Variants in TBC1D19 observed in about 807,000 individuals in gnomAD.
The protein encoded by TBC1D19 is TBC1 domain family, member 19.
TBC1D19 carries 60 observed loss-of-function variants against 89.0 expected under a neutral mutation model. That is an observed-to-expected ratio of 0.67 (90% CI 0.55 to 0.84). TBC1D19 has a LOEUF of 0.84. Ranked by LOEUF, TBC1D19 falls within the 40% of genes least tolerant of loss-of-function variation. The pLI is 0.00. For synonymous variants in TBC1D19, 189 were observed against 199.7 expected (o/e 0.95, Z 0.45); for missense variants, 500 against 610.8 (o/e 0.82, Z 1.91).
intron 4 of TBC1D19, among the ~76,000 whole-genome samples, chr4:26,629,880 A>C (rs1742693552): frequency 6.6e-6 from 1 of 151,838 alleles, no homozygotes; most frequent in African/African-American, 2.4e-5. Context: ...ACACATATAC[A>C]TGCATAGAAA....
At chr4:26,652,821 C>G (rs1426295607) in intron 7 of TBC1D19, among the ~76,000 whole-genome samples, 1 of 152,138 alleles carries the variant, frequency 6.6e-6, no homozygotes, top group African/African-American at 2.4e-5. Context: ...AAAACCAACT[C>G]CTGGATTCAT....
At chr4:26,799,966 T>C in the TBC1D19 span, among the ~76,000 whole-genome samples, 1 of 152,112 alleles carries the variant, frequency 6.6e-6, no homozygotes, top group African/African-American at 2.4e-5. Context: ...AAACTGTGTA[T>C]AGATTTAATT....
chr4:26,747,184 A>G (rs1718697570), intron 18 of TBC1D19, among the ~76,000 whole-genome samples: 1 of 152,130 alleles, frequency 6.6e-6, no homozygotes, highest in East Asian at 1.9e-4. Flanking sequence ...TTTATTTCTA[A>G]AAAGCTATGC....
At chr4:26,652,256 T>C (rs1744445478) in intron 7 of TBC1D19, among the ~76,000 whole-genome samples, 1 of 152,194 alleles carries the variant, frequency 6.6e-6, no homozygotes, top group African/African-American at 2.4e-5. Context: ...TTCCCTCTTT[T>C]TCTAATGATT....
chr4:26,685,546 GA>G (rs1481269279), intron 12 of TBC1D19, among the ~76,000 whole-genome samples: 1 of 152,150 alleles, frequency 6.6e-6, no homozygotes, highest in African/African-American at 2.4e-5. Context: ...TTGAGATAAA[GA>G]AAGAAATTTG....
At chr4:26,593,558 C>G (rs1260037911) in intron 1 of TBC1D19, among the ~76,000 whole-genome samples, 4 of 152,150 alleles carry the variant, frequency 2.6e-5, no homozygotes, top group African/African-American at 9.7e-5. Flanking sequence ...AGGCAACCTA[C>G]AGAATGGGAG....
intron 1 of TBC1D19, among the ~76,000 whole-genome samples, chr4:26,597,017 A>G (rs1740265489): frequency 6.6e-6 from 1 of 152,142 alleles, no homozygotes. Flanking sequence ...GTTCCGTGTG[A>G]CCTCATAAAG....
chr4:26,600,059 A>T (rs1740496203), intron 1 of TBC1D19, among the ~76,000 whole-genome samples: 2 of 149,774 alleles, frequency 1.3e-5, no homozygotes, highest in Admixed American at 1.3e-4. Flanking sequence ...CATTATTTGT[A>T]TTTCAAATGG....
chr4:26,698,451 A>G (rs1039525373), intron 13 of TBC1D19, among the ~76,000 whole-genome samples: 1 of 152,224 alleles, frequency 6.6e-6, no homozygotes, highest in Non-Finnish European at 1.5e-5. Flanking sequence ...GGTAATTTAT[A>G]GATTCAGTGC....
At chr4:26,590,773 T>C (rs1222231504) in intron 1 of TBC1D19, among the ~76,000 whole-genome samples, 2 of 150,266 alleles carry the variant, frequency 1.3e-5, no homozygotes, top group Non-Finnish European at 3.0e-5. Context: ...TACATTAAGG[T>C]TCACTCTTTG....
the TBC1D19 span, among the ~76,000 whole-genome samples, chr4:26,793,193 G>T: frequency 6.6e-6 from 1 of 152,138 alleles, no homozygotes; most frequent in Non-Finnish European, 1.5e-5. Flanking sequence ...GAAAGCCAGA[G>T]AGGTACGACC....
intron 13 of TBC1D19, among the ~76,000 whole-genome samples, chr4:26,696,120 T>C (rs1249310792): frequency 1.3e-5 from 2 of 152,170 alleles, no homozygotes; most frequent in East Asian, 1.9e-4. Flanking sequence ...ACCCATCTCA[T>C]GTGCAGAGGC....
intron 4 of TBC1D19, among the ~76,000 whole-genome samples, chr4:26,627,288 A>G (rs1263184512): frequency 6.6e-6 from 1 of 152,098 alleles, no homozygotes; most frequent in Non-Finnish European, 1.5e-5. Context: ...CCAGTCTATC[A>G]TTGTTGGACA....
chr4:26,651,390 A>C (rs2062470277), intron 7 of TBC1D19, among the ~76,000 whole-genome samples: 1 of 151,954 alleles, frequency 6.6e-6, no homozygotes, highest in Non-Finnish European at 1.5e-5. Flanking sequence ...CTTTTATTTC[A>C]TTGAGCAGTG....
At chr4:26,816,814 G>GTTCT in the TBC1D19 span, among the ~76,000 whole-genome samples, 1 of 152,114 alleles carries the variant, frequency 6.6e-6, no homozygotes, top group African/African-American at 2.4e-5. Context: ...ATGAGGAACT[G>GTTCT]TTCCAGATTA....
At chr4:26,762,988 ATG>A in the TBC1D19 span, among the ~76,000 whole-genome samples, 2 of 152,198 alleles carry the variant, frequency 1.3e-5, no homozygotes. Context: ...CTGAGCTCCT[ATG>A]TGGGTCATAG....
chr4:26,612,617 G>A (rs937549722), intron 1 of TBC1D19, among the ~76,000 whole-genome samples: 1 of 152,046 alleles, frequency 6.6e-6, no homozygotes. Flanking sequence ...AAAAATTACA[G>A]TGTGAAAAAC....
rs77670247 is a variant in TBC1D19, at chr4:26,683,628, A to G, written c.817-47A>G. On this transcript the variant is annotated intron_variant, in intron 11 of 20. Coordinates refer to ENST00000264866, the MANE Select transcript of TBC1D19 (RefSeq NM_018317.4). The stretch of plus-strand genomic sequence containing the variant: ...ATTATTTGAGTTTAAGGCTGACTTT[A>G]TAAATGTGATTGACCTTTAATTTTT... 4,703 of 1,482,912 alleles carry G rather than the reference A, an allele frequency of 3.2e-3. 133 individuals are homozygous for G. The African/African-American group carries it at 0.058, about 18-fold the overall frequency. 91.9% of individuals were successfully genotyped at this position (1,482,912 alleles called of 1,614,324 possible). A position where few individuals can be genotyped will look rare whatever the true frequency, so the allele number is the denominator to read the frequency against.
At chr4:26,746,754 G>A (rs1718672422) in intron 18 of TBC1D19, among the ~76,000 whole-genome samples, 1 of 151,944 alleles carries the variant, frequency 6.6e-6, no homozygotes, top group Non-Finnish European at 1.5e-5. Flanking sequence ...ATTAGGCACA[G>A]CAAGAGATTT....
Sources: gnomAD v4.1 joint callset for allele counts (sites outside exome capture counted in the v4.1 genomes callset) on GRCh38, gnomAD v4.1.1 for gene constraint, MANE v1.5 for transcripts, NCBI Gene and HGNC (gene_info 2026-07-23, HGNC 2026-07-21) for gene names.